Variants in USP42 observed in about 807,000 individuals in gnomAD.
USP42 encodes ubiquitin carboxyl-terminal hydrolase 42.
USP42 carries 23 observed loss-of-function variants against 113.0 expected under a neutral mutation model. The ratio of observed to expected loss-of-function variants is 0.20; its 90% CI spans 0.15 to 0.29. USP42 has a LOEUF of 0.29. USP42 is among the 10% of genes least tolerant of loss of function. The pLI is 1.00. For missense variants in USP42, 2,174 were observed against 1,779.8 expected (o/e 1.22, Z -3.99); for synonymous variants, 933 against 699.0 (o/e 1.33, Z -5.28).
At chr7:6,100,004 C>CTATTTTTTTTAT (rs141280623), upstream of USP42, among the ~76,000 whole-genome samples, 3 of 144,290 alleles carry the variant, frequency 2.1e-5, no homozygotes, top group East Asian at 6.1e-4. Context: ...TTTCACAAGT[C>CTATTTTTTTTAT]TATTATTATT....
intron 9 of USP42, among the ~76,000 whole-genome samples, chr7:6,144,846 G>A (rs1260845267): frequency 1.3e-5 from 2 of 151,730 alleles, no homozygotes; most frequent in East Asian, 3.9e-4. Flanking sequence ...CTCCAGCCTG[G>A]GCAACAGAGT....
At chr7:6,095,088 C>A in the USP42 span, among the ~76,000 whole-genome samples, 1 of 151,234 alleles carries the variant, frequency 6.6e-6, no homozygotes, top group African/African-American at 2.5e-5. Context: ...GTGCCCAGCC[C>A]CACTTGGCTT....
At position 6,156,945 on chromosome 7, in the gene USP42, C is replaced by T. The variant is rs1411008609; in HGVS notation, c.3833C>T (p.Pro1278Leu). 7 of 1,613,848 alleles carry T rather than the reference C, an allele frequency of 4.3e-6. No individual in the cohort carries two copies. The highest frequency in any genetic ancestry group is 3.3e-5 in the South Asian group (3 of 91,064). Residue 1278 changes from proline (P) to leucine (L), a missense_variant, in exon 16 of 18, where the codon CCT becomes CTT. Physicochemically the swap from Pro to Leu is moderately conservative, Grantham distance 98. Transcript: ENST00000306177. ...AQFRRAQGGF[P>L]LSGGPPLEGV... ...TTCCGGAGAGCCCAGGGTGGCTTTC[C>T]TCTCTCTGGTGGCCCGCCTCTGGAA...
intron 6 of USP42, 127 bp from the exon 7 acceptor site, chr7:6,140,787 G>T: frequency 1.7e-6 from 1 of 601,278 alleles, no homozygotes; most frequent in Non-Finnish European, 2.9e-6. Context: ...AACTTTTTTT[G>T]TTCAATTGAT....
the USP42 span, among the ~76,000 whole-genome samples, chr7:6,091,999 C>CTTCTTCTTCTTCTTCTTCTTCTTCTTCTT: frequency 2.8e-5 from 2 of 71,762 alleles, no homozygotes; most frequent in African/African-American, 9.3e-5. Context: ...TCTTCTTCTT[C>CTTCTTCTTCTTCTTCTTCTTCTTCTTCTT]TTCTTCTTCT....
the USP42 span, chr7:6,088,881 A>T: frequency 6.6e-6 from 1 of 150,810 alleles, no homozygotes; most frequent in Non-Finnish European, 1.5e-5. Flanking sequence ...GACGGCGGGA[A>T]CCAAGATTGG....
At chr7:6,084,898 T>C in the USP42 span, among the ~76,000 whole-genome samples, 2 of 150,566 alleles carry the variant, frequency 1.3e-5, no homozygotes, top group Admixed American at 1.3e-4. Context: ...TTTACATTTT[T>C]AGTATAGATG....
At position 6,135,782 on chromosome 7, in the gene USP42, C is replaced by G. The variant is rs1781108588; in HGVS notation, c.443-59C>G. 27 of 982,812 alleles carry G rather than the reference C, an allele frequency of 2.7e-5. 1 individual carries two copies. In the South Asian group the frequency reaches 5.0e-4, roughly 18 times the overall value. 60.9% of individuals were successfully genotyped at this position (982,812 alleles called of 1,614,324 possible). A position where few individuals can be genotyped will look rare whatever the true frequency, so the allele number is the denominator to read the frequency against. ...TGTGTGCCCCTGATTTGTAATTAGC[C>G]TTGATGTGTGTATATGGTTGTATTT... is the stretch of plus-strand genomic sequence containing the variant. On this transcript the variant is annotated intron_variant, in intron 3 of 17. Coordinates refer to ENST00000306177, the MANE Select transcript of USP42 (RefSeq NM_032172.3).
At chr7:6,152,566 G>GGCGAA (rs929865050) in intron 14 of USP42, among the ~76,000 whole-genome samples, 8 of 152,106 alleles carry the variant, frequency 5.3e-5, no homozygotes, top group African/African-American at 1.9e-4. Flanking sequence ...ACCGGAATGG[G>GGCGAA]GCGAACCCTG....
intron 9 of USP42, 96 bp from the exon 10 acceptor site, chr7:6,145,420 G>A (rs1200992298): frequency 6.9e-7 from 1 of 1,451,310 alleles, no homozygotes; most frequent in African/African-American, 1.4e-5. Context: ...TGTTCTGTGG[G>A]TCTCCCCTCC....
Position 6,155,075 on chromosome 7 carries a change from T to A in USP42, c.3521T>A (p.Val1174Asp). Residue 1174 changes from valine (V) to aspartate (D), a missense_variant, in exon 15 of 18, where the codon GTT becomes GAT. Val to Asp is a radical substitution (Grantham distance 152). Transcript: ENST00000306177. Reference sequence around the variant, plus strand: ...AGTGTGGAGAACAGTGACAGTCATGTTGAAAAGAAAGCCCGGAGGAGCGAA... The same window carrying A: ...AGTGTGGAGAACAGTGACAGTCATGATGAAAAGAAAGCCCGGAGGAGCGAA... ...HDSVENSDSH[V>D]EKKARRSEQK... 2 of 1,563,222 alleles carry A rather than the reference T, an allele frequency of 1.3e-6. No homozygotes were observed. Among genetic ancestry groups the A allele is most frequent in the South Asian group, 2.4e-5 (2 of 84,572 alleles).
chr7:6,114,676 A>ATG (rs1424173261), intron 2 of USP42, among the ~76,000 whole-genome samples: 1 of 31,264 alleles, frequency 3.2e-5, no homozygotes, highest in Non-Finnish European at 5.1e-5. Context: ...ATATATATAT[A>ATG]TATTTTTTTT....
rs766713746 is a variant in USP42, at chr7:6,139,063, A to G, written c.554-29A>G. On this transcript the variant is annotated intron_variant, in intron 4 of 17. Transcript: ENST00000306177. The surrounding 1 kb of genome is among the most constrained non-coding windows in gnomAD (Gnocchi z 4.5). ...ACTTAGGCTTATTACGTGTAATGAT[A>G]AAGCCTTGTCTTTACCGAAATTTTA... 3 of 1,491,418 alleles carry G rather than the reference A, an allele frequency of 2.0e-6. No individual in the cohort carries two copies. Among genetic ancestry groups the G allele is most frequent in the Admixed American group, 1.9e-5 (1 of 51,686 alleles). The allele number at this position is 1,491,418 out of a possible 1,614,324, so 92.4% of individuals were successfully genotyped here. A position where few individuals can be genotyped will look rare whatever the true frequency, so the allele number is the denominator to read the frequency against.
chr7:6,082,159 C>T, the USP42 span, among the ~76,000 whole-genome samples: 1 of 149,770 alleles, frequency 6.7e-6, no homozygotes, highest in Non-Finnish European at 1.5e-5. Flanking sequence ...GATAGAGTCT[C>T]GCTTTGTCGC....
At chr7:6,114,678 A>ATATATATAT (rs1241045063) in intron 2 of USP42, among the ~76,000 whole-genome samples, 9 of 18,884 alleles carry the variant, frequency 4.8e-4, no homozygotes, top group East Asian at 4.1e-3. Flanking sequence ...ATATATATAT[A>ATATATATAT]TTTTTTTTTT....
intron 2 of USP42, among the ~76,000 whole-genome samples, chr7:6,113,775 C>G (rs1343910688): frequency 6.6e-6 from 1 of 152,094 alleles, no homozygotes; most frequent in African/African-American, 2.4e-5. Context: ...GTGCCTGCCA[C>G]CACACCTGGC....
intron 4 of USP42, among the ~76,000 whole-genome samples, chr7:6,137,232 G>A (rs530370986): frequency 1.3e-5 from 2 of 152,276 alleles, no homozygotes; most frequent in African/African-American, 4.8e-5. Context: ...GATTAAAGAG[G>A]TCTTATATTG....
At chr7:6,143,154 C>T in intron 8 of USP42, 140 bp downstream of exon 8, 5 of 790,674 alleles carry the variant, frequency 6.3e-6, no homozygotes, top group South Asian at 3.4e-5. Context: ...CCCTGTCGTC[C>T]AAAGGCGAGA....
At chr7:6,113,654 CT>C (rs1779723784) in intron 2 of USP42, among the ~76,000 whole-genome samples, 1 of 151,822 alleles carries the variant, frequency 6.6e-6, no homozygotes, top group South Asian at 2.1e-4. Flanking sequence ...CGAAGTCTCT[CT>C]CTGTCGCCCA....
Sources: allele counts gnomAD v4.1 joint callset (sites outside exome capture counted in the v4.1 genomes callset), GRCh38; gene constraint gnomAD v4.1.1; non-coding constraint Gnocchi (gnomAD v3.1); transcripts MANE v1.5; gene names NCBI Gene and HGNC (gene_info 2026-07-23, HGNC 2026-07-21).